DMD: variants seen among roughly 807,000 people sequenced by gnomAD.
DMD encodes dystrophin, also known as mutant dystrophin.
DMD carries 63 observed loss-of-function variants against 330.1 expected under a neutral mutation model. The ratio of observed to expected loss-of-function variants is 0.19; its 90% CI spans 0.16 to 0.24. The LOEUF is 0.24. DMD is among the 10% of genes least tolerant of loss of function. The pLI is 1.00. For missense variants in DMD, 3,344 were observed against 2,684.1 expected, an observed-to-expected ratio of 1.25 and a Z score of -5.43; for synonymous variants, 1,223 against 959.8, an observed-to-expected ratio of 1.27 and a Z score of -5.07.
At chrX:32,369,183 T>C (rs773555717) in intron 34 of DMD, among the ~76,000 whole-genome samples, 9 of 111,907 alleles carry the variant, frequency 8.0e-5, no homozygotes, top group South Asian at 3.7e-4. Flanking sequence ...GTATAAATAG[T>C]CCAAATACTA....
chrX:31,367,621 G>A (rs1272155708), intron 60 of DMD, among the ~76,000 whole-genome samples: 1 of 111,673 alleles, frequency 9.0e-6, no homozygotes, highest in East Asian at 2.8e-4. Context: ...ACATTAACAT[G>A]TATTGAGTGC....
intron 48 of DMD, among the ~76,000 whole-genome samples, chrX:31,857,464 A>ATGATTTT (rs1377241082): frequency 2.8e-5 from 3 of 108,598 alleles, no homozygotes; most frequent in Non-Finnish European, 5.7e-5. Context: ...ATTATTATAA[A>ATGATTTT]TGATTTTAAG....
At chrX:32,556,587 G>A (rs1221399901) in intron 16 of DMD, among the ~76,000 whole-genome samples, 3 of 111,596 alleles carry the variant, frequency 2.7e-5, no homozygotes, top group African/African-American at 9.7e-5. Context: ...ACAAGATAAA[G>A]AAAATGTGGT....
intron 12 of DMD, among the ~76,000 whole-genome samples, chrX:32,602,805 T>C (rs1227977180): frequency 9.0e-6 from 1 of 111,193 alleles, no homozygotes; most frequent in Non-Finnish European, 1.9e-5. Context: ...TCAAATCTCT[T>C]TGTCACTTCT....
chrX:32,399,144 T>C (rs1356458955), intron 30 of DMD, among the ~76,000 whole-genome samples: 2 of 111,897 alleles, frequency 1.8e-5, no homozygotes, highest in African/African-American at 6.5e-5. Flanking sequence ...ACAAGAAAAC[T>C]TTGGGAGAAA....
At chrX:32,438,219 G>A in intron 29 of DMD, 22 bp downstream of exon 29, 5 of 1,207,851 alleles carry the variant, frequency 4.1e-6, no homozygotes, top group Non-Finnish European at 5.6e-6. Flanking sequence ...AGATTAAAGA[G>A]ATTTTTCACT....
chrX:33,006,860 C>A (rs1403083341), intron 2 of DMD, among the ~76,000 whole-genome samples: 1 of 111,260 alleles, frequency 9.0e-6, no homozygotes, highest in Non-Finnish European at 1.9e-5. Flanking sequence ...TTGCAATAGT[C>A]TTTCTTATCC....
chrX:31,581,381 T>C (rs1287292537), intron 55 of DMD, among the ~76,000 whole-genome samples: 1 of 112,182 alleles, frequency 8.9e-6, no homozygotes, highest in Non-Finnish European at 1.9e-5. Flanking sequence ...GCACATGTCG[T>C]AGTGTGGCTT....
At chrX:31,705,225 G>A (rs1314228857) in intron 52 of DMD, among the ~76,000 whole-genome samples, 1 of 112,755 alleles carries the variant, frequency 8.9e-6, no homozygotes, top group Non-Finnish European at 1.9e-5. Context: ...TAGCATAGGA[G>A]TCCAGGCACA....
intron 61 of DMD, among the ~76,000 whole-genome samples, chrX:31,333,302 AT>A (rs755157850): frequency 3.1e-3 from 323 of 103,226 alleles, no homozygotes; most frequent in Non-Finnish European, 5.9e-3. Flanking sequence ...CAAGCTTACT[AT>A]TTTTTTTCCT....
At position 32,050,813 on chromosome X, in the gene DMD, A is replaced by C. The variant is rs953881611; in HGVS notation, c.6439-82299T>G. On this transcript the variant is annotated intron_variant, in intron 44 of 78. Coordinates refer to ENST00000357033, the MANE Select transcript of DMD (RefSeq NM_004006.3). The stretch of plus-strand genomic sequence containing the variant: ...TAAGTTAGGTAAGTTTTCTAAGTTA[A>C]CTGAAATAAAAACACATTGAATTTC... 4.5e-5 allele frequency among the ~76,000 whole-genome samples: 5 copies of C among 111,156 alleles called. No homozygotes were observed. In the East Asian group the frequency reaches 1.4e-3, roughly 31 times the overall value.
chrX:31,936,467 T>A (rs747337125), intron 45 of DMD, among the ~76,000 whole-genome samples: 2 of 111,863 alleles, frequency 1.8e-5, no homozygotes, highest in East Asian at 5.6e-4. Context: ...AATAGGAAAG[T>A]TGAAAATGTT....
chrX:31,194,117 T>C, intron 67 of DMD, among the ~76,000 whole-genome samples: 1 of 110,728 alleles, frequency 9.0e-6, no homozygotes, highest in Middle Eastern at 4.6e-3. Context: ...GAAGCAGAGG[T>C]TGCAGTGAGC....
At chrX:32,381,505 T>G (rs1171259280) in intron 33 of DMD, among the ~76,000 whole-genome samples, 1 of 111,289 alleles carries the variant, frequency 9.0e-6, no homozygotes, top group Admixed American at 9.6e-5. Context: ...CATCTCTTTC[T>G]ACTAAAGGCA....
chrX:31,642,076 T>A lies in DMD; in HGVS notation c.8028-14214A>T, dbSNP rs932408441. On this transcript the variant is annotated intron_variant, in intron 54 of 78. Coordinates refer to ENST00000357033, the MANE Select transcript of DMD (RefSeq NM_004006.3). ...TGTTGTAGAATTAAATCTTTGACAGTTCTTAATGTTGAGAAAAATAAAAAT... is the reference window on the plus strand; with the variant it reads ...TGTTGTAGAATTAAATCTTTGACAGATCTTAATGTTGAGAAAAATAAAAAT... 3.6e-5 allele frequency among the ~76,000 whole-genome samples: 4 copies of A among 112,083 alleles called. No individual in the cohort carries two copies. In the East Asian group the frequency reaches 1.1e-3, roughly 31 times the overall value.
chrX:32,756,325 A>C (rs1399826649), intron 7 of DMD: 1 of 111,915 alleles, frequency 8.9e-6, no homozygotes, highest in African/African-American at 3.2e-5. Flanking sequence ...TTGAATCATA[A>C]ATTTCATTAC....
chrX:32,240,977 T>C (rs2097206305), intron 43 of DMD, among the ~76,000 whole-genome samples: 1 of 112,063 alleles, frequency 8.9e-6, no homozygotes, highest in South Asian at 3.7e-4. Flanking sequence ...CCACAAGTTT[T>C]TCTGGGATCC....
intron 2 of DMD, among the ~76,000 whole-genome samples, chrX:32,910,573 T>A (rs1339068912): frequency 9.0e-6 from 1 of 110,673 alleles, no homozygotes; most frequent in Non-Finnish European, 1.9e-5. Flanking sequence ...TAGCTGGGAT[T>A]CCAGGTGCCC....
At chrX:32,682,860 G>A (rs780337707) in intron 9 of DMD, among the ~76,000 whole-genome samples, 2 of 112,075 alleles carry the variant, frequency 1.8e-5, no homozygotes, top group East Asian at 5.6e-4. Flanking sequence ...TTAATTGCCA[G>A]CACAAGACCT....
Sources: allele counts gnomAD v4.1 joint callset (sites outside exome capture counted in the v4.1 genomes callset), GRCh38; gene constraint gnomAD v4.1.1; transcripts MANE v1.5; gene names NCBI Gene and HGNC (gene_info 2026-07-23, HGNC 2026-07-21).